KIFC2: variants seen among roughly 807,000 people sequenced by gnomAD.
KIFC2 encodes the protein kinesin-like protein KIFC2.
KIFC2 carries 94 observed loss-of-function variants against 91.5 expected under a neutral mutation model. The ratio of observed to expected loss-of-function variants is 1.03; its 90% CI spans 0.87 to 1.22. The LOEUF (loss-of-function observed/expected upper bound fraction) is 1.22, where lower values mean the gene tolerates loss of function less well. KIFC2 is among the 50% of genes most tolerant of loss of function. KIFC2 has a pLI of 0.00. For missense variants in KIFC2, 1,357 were observed against 1,103.3 expected (o/e 1.23, Z -3.26); for synonymous variants, 729 against 503.9 (o/e 1.45, Z -5.98).
chr8:144,468,471 T>TAG, intron 8 of KIFC2, 65 bp downstream of exon 8: 1 of 1,571,426 alleles, frequency 6.4e-7, no homozygotes, highest in Non-Finnish European at 8.6e-7. Context: ...GGGAGGGGCT[T>TAG]ATCTGAGGCA....
intron 8 of KIFC2, 26 bp from the exon 9 acceptor site, chr8:144,468,510 G>A: frequency 6.7e-7 from 1 of 1,500,228 alleles, no homozygotes; most frequent in African/African-American, 1.4e-5. Context: ...TTTCCTCAGT[G>A]ACAGGGGTGG....
chr8:144,471,925 TCTCCCGC>T lies in KIFC2; in HGVS notation c.1381-9_1381-3del. ...AACGTGGGGAGGACTCAAAACACAT[TCTCCCGC>T]CTCCCGCAGGTCTTCAGAGAGCTGG... On this transcript the variant is annotated splice_polypyrimidine_tract_variant and intron_variant, in intron 12 of 17. Transcript: ENST00000645548. 1 of 1,611,598 alleles carries T rather than the reference TCTCCCGC, an allele frequency of 6.2e-7. No individual in the cohort carries two copies. The highest frequency in any genetic ancestry group is 8.5e-7 in the Non-Finnish European group (1 of 1,178,860).
rs1423189332 is a variant in KIFC2 at position 144,472,128 on chromosome 8, C to T, written c.1486-10C>T. 5.0e-6 allele frequency: 8 copies of T among 1,613,140 alleles called. No homozygotes were observed. Among genetic ancestry groups the T allele is most frequent in the Non-Finnish European group, 6.8e-6 (8 of 1,179,900 alleles). The stretch of plus-strand genomic sequence containing the variant: ...ATGTGAGCCCGGTGTGCACCCCACC[C>T]CATCCTCAGGGCCCTCCTGAGGACC... On this transcript the variant is annotated splice_polypyrimidine_tract_variant and intron_variant, in intron 13 of 17. Transcript: ENST00000645548.
At chr8:144,466,893 G>A in intron 2 of KIFC2, 55 bp downstream of exon 2, 1 of 1,546,328 alleles carries the variant, frequency 6.5e-7, no homozygotes, top group Non-Finnish European at 8.7e-7. Context: ...ACCTCCCAGG[G>A]AGGGGCGGAG....
At chr8:144,468,050 G>A (rs1824757250) in intron 7 of KIFC2, 63 bp downstream of exon 7, 3 of 1,473,012 alleles carry the variant, frequency 2.0e-6, no homozygotes, top group African/African-American at 1.4e-5. Flanking sequence ...CTGGCATGCA[G>A]CCACAGGGCC....
At chr8:144,472,301 C>G (rs749481575) in intron 14 of KIFC2, 42 bp downstream of exon 14, 1 of 1,613,454 alleles carries the variant, frequency 6.2e-7, no homozygotes, top group Non-Finnish European at 8.5e-7. Flanking sequence ...CACCCCTGGC[C>G]CAGGGCCCTT....
In KIFC2 at chr8:144,474,015, G is replaced by A. The variant is rs1825057678; in HGVS notation, c.*626G>A. 5.3e-6 allele frequency: 3 copies of A among 568,768 alleles called. No individual in the cohort carries two copies. Among genetic ancestry groups the A allele is most frequent in the South Asian group, 2.4e-5 (1 of 41,230 alleles). 35.2% of individuals were successfully genotyped at this position (568,768 alleles called of 1,614,324 possible). ...TCAGCCCTGCTCCTGCAGCTTTGCCGCTGAGTGTAGGAAAAACAGGCATGA... is the reference window on the plus strand; with the variant it reads ...TCAGCCCTGCTCCTGCAGCTTTGCCACTGAGTGTAGGAAAAACAGGCATGA... On this transcript the variant is annotated 3_prime_UTR_variant, in exon 18 of 18. Transcript: ENST00000645548.
At position 144,472,640 on chromosome 8, in the gene KIFC2, C is replaced by T; in HGVS notation, c.1795C>T (p.Arg599Cys). The change falls in exon 16 of 18, where the codon CGC becomes TGC. Residue 599 changes from arginine (R) to cysteine (C), a missense_variant. Transcript: ENST00000645548. ...AATAMNQRSS[R>C]SHALVTLTLR... ...CACCGCCATGAACCAGCGCAGCTCC[C>T]GCTCGCATGCCCTGGTCACGCTGAC... 1 of 1,601,984 alleles carries T rather than the reference C, an allele frequency of 6.2e-7. No individual in the cohort carries two copies. Among genetic ancestry groups the T allele is most frequent in the Non-Finnish European group, 8.5e-7 (1 of 1,179,582 alleles).
rs1382430987 is a variant in KIFC2, at chr8:144,473,555, G to C, written c.*166G>C. 3.6e-6 allele frequency: 4 copies of C among 1,116,132 alleles called. No individual in the cohort carries two copies. The highest frequency in any genetic ancestry group is 2.4e-6 in the Non-Finnish European group (2 of 817,798). 69.1% of individuals were successfully genotyped at this position (1,116,132 alleles called of 1,614,324 possible). The stretch of plus-strand genomic sequence containing the variant: ...CCCCTCCACCTCCGCAGCCAGTGAA[G>C]TGTGTTGTGCCTGCTGAAGTGATCA... On this transcript the variant is annotated 3_prime_UTR_variant, in exon 18 of 18. Transcript: ENST00000645548.
Position 144,466,804 on chromosome 8 carries a change from G to C in KIFC2, c.144G>C (p.Ala48=), listed in dbSNP as rs747577240. 7 of 1,537,314 alleles carry C rather than the reference G, an allele frequency of 4.6e-6. No individual in the cohort carries two copies. Among genetic ancestry groups the C allele is most frequent in the Non-Finnish European group, 6.1e-6 (7 of 1,148,966 alleles). The part of the protein sequence containing the change: ...PRGRRRPDLP[A]PELWTELTGL... ...GTCGCCGGCGCCCAGACCTGCCCGC[G>C]CCAGAGCTGTGGACCGAGCTGACCG... Residue 48 remains alanine, a synonymous_variant, in exon 2 of 18, where the codon GCG becomes GCC. Coordinates refer to ENST00000645548, the MANE Select transcript of KIFC2 (RefSeq NM_001369769.2).
rs1384229493 is a variant in KIFC2 at position 144,469,470 on chromosome 8, T to A, written c.1223-20T>A. ...CTTTAGGGTCTGCGAGGCATTATGC[T>A]GACCTGATCCCCACTGCAGGAAATA... On this transcript the variant is annotated intron_variant, in intron 11 of 17. Transcript: ENST00000645548. 2 of 1,613,804 alleles carry A rather than the reference T, an allele frequency of 1.2e-6. No individual in the cohort carries two copies. The highest frequency in any genetic ancestry group is 2.7e-5 in the African/African-American group (2 of 74,944).
rs1161907420 is a variant in KIFC2, at chr8:144,472,381, C to T, written c.1628C>T (p.Pro543Leu). The T allele has an allele frequency of 6.2e-7, 1 of 1,613,240 alleles. No individual in the cohort carries two copies. The highest frequency in any genetic ancestry group is 2.2e-5 in the East Asian group (1 of 44,890). Reference protein sequence around the residue: ...EAVRDLLAPGPPERLAVRQGP... With the variant: ...EAVRDLLAPGLPERLAVRQGP... ...ACCAGGGACCTCCTTGCTCCAGGGCCTCCCGAGCGCCTGGCCGTGAGGCAG... is the reference window on the plus strand; with the variant it reads ...ACCAGGGACCTCCTTGCTCCAGGGCTTCCCGAGCGCCTGGCCGTGAGGCAG... The change falls in exon 15 of 18, where the codon CCT (proline) becomes CTT (leucine). Residue 543 changes from proline (P) to leucine (L), a missense_variant. Pro to Leu is a moderately conservative substitution (Grantham distance 98). Coordinates refer to ENST00000645548, the MANE Select transcript of KIFC2 (RefSeq NM_001369769.2).
At chr8:144,472,296 CT>C in intron 14 of KIFC2, 37 bp downstream of exon 14, 1 of 1,613,472 alleles carries the variant, frequency 6.2e-7, no homozygotes, top group Non-Finnish European at 8.5e-7. Flanking sequence ...CTCCCCACCC[CT>C]GGCCCAGGGC....
At position 144,467,086 on chromosome 8, in the gene KIFC2, C is replaced by CG; in HGVS notation, c.311dup (p.Ala106GlyfsTer74). The CG allele has an allele frequency of 6.3e-7, 1 of 1,597,704 alleles. No homozygotes were observed. The highest frequency in any genetic ancestry group is 8.5e-7 in the Non-Finnish European group (1 of 1,172,388). Reference sequence around the variant, plus strand: ...TCCAGCTGGGGGCGGAAGAGAGCTGCGGGGGCCCGGCGGACCTGGGCCAGG... The same window carrying CG: ...TCCAGCTGGGGGCGGAAGAGAGCTGCGGGGGGCCCGGCGGACCTGGGCCAGG... On this transcript the variant is annotated frameshift_variant, in exon 3 of 18. Transcript: ENST00000645548. LOFTEE classifies it high-confidence loss of function.
At position 144,473,481 on chromosome 8, in the gene KIFC2, C is replaced by G. The variant is rs1307456041; in HGVS notation, c.*92C>G. 3.4e-6 allele frequency: 5 copies of G among 1,450,648 alleles called. No homozygotes were observed. Among genetic ancestry groups the G allele is most frequent in the Non-Finnish European group, 4.5e-6 (5 of 1,104,220 alleles). The allele number at this position is 1,450,648 out of a possible 1,614,324, so 89.9% of individuals were successfully genotyped here. The stretch of plus-strand genomic sequence containing the variant: ...TCCCTGTACCCCGTCTCCCAGGGCA[C>G]AAGCTCCCTAGCCTCTTTGGATCCA... On this transcript the variant is annotated 3_prime_UTR_variant, in exon 18 of 18. Coordinates refer to ENST00000645548, the MANE Select transcript of KIFC2 (RefSeq NM_001369769.2).
At chr8:144,466,700 G>A in intron 1 of KIFC2, 60 bp from the exon 2 acceptor site, 3 of 1,368,072 alleles carry the variant, frequency 2.2e-6, no homozygotes, top group South Asian at 1.4e-5. Context: ...GGTTCGCGGA[G>A]GGAAGGGGCC....
intron 7 of KIFC2, 27 bp downstream of exon 7, chr8:144,468,014 TC>T: frequency 6.6e-7 from 1 of 1,512,498 alleles, no homozygotes; most frequent in Non-Finnish European, 8.8e-7. Context: ...CTGCAGCCGT[TC>T]CTGCAGCCTG....
chr8:144,468,993 A>G (rs1174531874), intron 10 of KIFC2, among the ~76,000 whole-genome samples, 159 bp downstream of exon 10: 5 of 152,144 alleles, frequency 3.3e-5, no homozygotes, highest in Non-Finnish European at 5.9e-5. Context: ...TCTGGGCCTT[A>G]TTTTAATTCT....
intron 7 of KIFC2, 126 bp from the exon 8 acceptor site, chr8:144,468,203 G>A: frequency 1.9e-6 from 2 of 1,049,794 alleles, no homozygotes; most frequent in Middle Eastern, 4.2e-4. Context: ...AAGGAGGTCT[G>A]CGTGGAGCTG....
Sources: gnomAD v4.1 joint callset for allele counts (sites outside exome capture counted in the v4.1 genomes callset) on GRCh38, gnomAD v4.1.1 for gene constraint, MANE v1.5 for transcripts, NCBI Gene and HGNC (gene_info 2026-07-23, HGNC 2026-07-21) for gene names.